The following CCT2 variants were observed in gnomAD, a reference collection of about 807,000 sequenced individuals.
CCT2 encodes the protein chaperonin containing TCP1 subunit 2, also known as T-complex protein 1 subunit beta.
In CCT2, 18 loss-of-function variants were observed where a neutral mutation model predicts 61.8. That is an observed-to-expected ratio of 0.29 (90% CI 0.20 to 0.43). The LOEUF (loss-of-function observed/expected upper bound fraction) is 0.43. Among genes scored for constraint, CCT2 ranks in the 20% least tolerant of loss-of-function variants. The probability of loss-of-function intolerance (pLI) is 1.00; values close to 1 mark genes in which losing one functional copy is unlikely to be tolerated. For synonymous variants in CCT2, 248 were observed against 215.9 expected, an observed-to-expected ratio of 1.15 and a Z score of -1.30; for missense variants, 556 against 656.9, an observed-to-expected ratio of 0.85 and a Z score of 1.68.
chr12:69,591,018 C>T (rs558808392), intron 7 of CCT2, among the ~76,000 whole-genome samples: 7 of 152,150 alleles, frequency 4.6e-5, no homozygotes, highest in South Asian at 2.1e-4. Context: ...CATGCCTGGC[C>T]GCTGCGTAGC....
intron 7 of CCT2, among the ~76,000 whole-genome samples, chr12:69,591,735 T>C (rs1464080660): frequency 2.6e-5 from 4 of 152,236 alleles, no homozygotes. Flanking sequence ...ACCAGAAGTG[T>C]CCAAGGAAGA....
chr12:69,598,714 CAT>C (rs1386048583), intron 14 of CCT2, among the ~76,000 whole-genome samples: 18 of 152,296 alleles, frequency 1.2e-4, no homozygotes, highest in South Asian at 2.1e-4. Context: ...TGAAAAATAA[CAT>C]AAACTATTAT....
chr12:69,595,152 G>A (rs534738291), intron 10 of CCT2, among the ~76,000 whole-genome samples: 2 of 152,222 alleles, frequency 1.3e-5, no homozygotes, highest in African/African-American at 4.8e-5. Flanking sequence ...AAATTATAGT[G>A]TACTAACCTT....
chr12:69,600,119 T>A, intron 15 of CCT2, 115 bp downstream of exon 15: 1 of 971,806 alleles, frequency 1.0e-6, no homozygotes, highest in Non-Finnish European at 1.5e-6. Flanking sequence ...TGGATAAAAG[T>A]ATGTAAGTTA....
At chr12:69,585,600 T>C in intron 1 of CCT2, 76 bp downstream of exon 1, 2 of 1,550,652 alleles carry the variant, frequency 1.3e-6, no homozygotes, top group East Asian at 2.4e-5. Context: ...TCCTCTGTCC[T>C]GCTAGGGTCG....
chr12:69,601,544 G>A lies in CCT2; in HGVS notation c.*219G>A. ...TAAAAAAGTTCATTTCTCATACTGT[G>A]CATTAAAATAAAAATTTGAACAATT... On this transcript the variant is annotated 3_prime_UTR_variant, in exon 16 of 16. Transcript: ENST00000299300. 1 of 1,345,992 alleles carries A rather than the reference G, an allele frequency of 7.4e-7. No homozygotes were observed. Among genetic ancestry groups the A allele is most frequent in the Non-Finnish European group, 9.6e-7 (1 of 1,038,760 alleles). The allele number at this position is 1,345,992 out of a possible 1,614,324, so 83.4% of individuals were successfully genotyped here.
intron 2 of CCT2, among the ~76,000 whole-genome samples, 180 bp from the exon 3 acceptor site, chr12:69,586,573 C>T (rs575693462): frequency 6.6e-6 from 1 of 151,946 alleles, no homozygotes. Context: ...GAGGCTGAGG[C>T]AGGAGGATCG....
chr12:69,588,221 G>A lies in CCT2; in HGVS notation c.405G>A (p.Lys135=). 17 of 1,614,148 alleles carry A rather than the reference G, an allele frequency of 1.1e-5. No individual in the cohort carries two copies. The highest frequency in any genetic ancestry group is 1.4e-5 in the Non-Finnish European group (17 of 1,179,990). ...TIIAGWREAT[K]AAREALLSSA... ...TAGCGGGTTGGAGAGAAGCCACGAA[G>A]GCTGCAAGAGAGGCGCTGTTGAGTT... Residue 135 remains lysine (K), a synonymous_variant, in exon 6 of 16, where the codon AAG becomes AAA. Transcript: ENST00000299300.
intron 10 of CCT2, among the ~76,000 whole-genome samples, chr12:69,595,940 C>T (rs905112247): frequency 6.6e-6 from 1 of 152,148 alleles, no homozygotes; most frequent in South Asian, 2.1e-4. Context: ...GGCATGGTGG[C>T]ATGTGCCAGC....
intron 10 of CCT2, among the ~76,000 whole-genome samples, chr12:69,594,779 A>C (rs552734555): frequency 3.0e-4 from 45 of 152,068 alleles, no homozygotes; most frequent in Non-Finnish European, 5.1e-4. Context: ...CCAGGAGTCC[A>C]AGGCTACAGT....
Position 69,597,369 on chromosome 12 carries a change from T to G in CCT2, c.1102+94T>G, listed in dbSNP as rs74336375. 479 of 1,431,610 alleles carry G rather than the reference T, an allele frequency of 3.3e-4. 1 individual carries two copies. In the African/African-American group the frequency reaches 5.0e-3, roughly 15 times the overall value. 88.7% of individuals were successfully genotyped at this position (1,431,610 alleles called of 1,614,324 possible). On this transcript the variant is annotated intron_variant, in intron 11 of 15. Coordinates refer to ENST00000299300, the MANE Select transcript of CCT2 (RefSeq NM_006431.3). ...TTGTAGTTACTAGAATAGCATATCT[T>G]ACAAGTCTTAACTCTTCAGAAGCAT...
At chr12:69,601,187 T>TA (rs1410731408) in intron 15 of CCT2, 108 bp from the exon 16 acceptor site, 4 of 888,038 alleles carry the variant, frequency 4.5e-6, no homozygotes, top group Non-Finnish European at 7.0e-6. Flanking sequence ...ATTGCAGAGT[T>TA]ATAACAGTTT....
chr12:69,590,363 T>G (rs945107330), intron 7 of CCT2, among the ~76,000 whole-genome samples: 4 of 152,200 alleles, frequency 2.6e-5, no homozygotes, highest in Admixed American at 1.3e-4. Context: ...TAAAAAAAAT[T>G]TCTTTAACAA....
intron 11 of CCT2, 29 bp downstream of exon 11, chr12:69,597,304 G>C: frequency 1.2e-6 from 2 of 1,611,288 alleles, no homozygotes; most frequent in Non-Finnish European, 1.7e-6. Context: ...CCTGGTTAGG[G>C]TGTCTAAATT....
chr12:69,597,934 C>T, intron 12 of CCT2, 34 bp from the exon 13 acceptor site: 2 of 1,537,502 alleles, frequency 1.3e-6, no homozygotes, highest in Non-Finnish European at 9.0e-7. Flanking sequence ...GACAACTAAG[C>T]ATTGCAATAT....
chr12:69,585,830 T>G, intron 1 of CCT2: 1 of 1,328,552 alleles, frequency 7.5e-7, no homozygotes, highest in Non-Finnish European at 9.6e-7. Context: ...CGCTCCGCCC[T>G]CCTTCTAGGG....
At position 69,600,139 on chromosome 12, in the gene CCT2, T is replaced by G. The variant is rs985434841; in HGVS notation, c.1577+135T>G. ...AAAAGTATGTAAGTTATTTAAAATATCACAACTCTTAACACTTAAGCCAGA... is the reference window on the plus strand; with the variant it reads ...AAAAGTATGTAAGTTATTTAAAATAGCACAACTCTTAACACTTAAGCCAGA... On this transcript the variant is annotated intron_variant, in intron 15 of 15. Coordinates refer to ENST00000299300, the MANE Select transcript of CCT2 (RefSeq NM_006431.3). 7 of 838,988 alleles carry G rather than the reference T, an allele frequency of 8.3e-6. No homozygotes were observed. In the African/African-American group the frequency reaches 8.6e-5, roughly 10 times the overall value. 52.0% of individuals were successfully genotyped at this position (838,988 alleles called of 1,614,324 possible). A position where few individuals can be genotyped will look rare whatever the true frequency, so the allele number is the denominator to read the frequency against.
Position 69,598,392 on chromosome 12 carries a change from A to C in CCT2, c.1406A>C (p.His469Pro). Reference protein sequence around the residue: ...ADLVAQLRAAHSEGNTTAGLD... With the variant: ...ADLVAQLRAAPSEGNTTAGLD... ...CTGGTGGCACAGCTCAGGGCTGCTC[A>C]CAGTGAAGGCAATACCACTGCTGGA... The change falls in exon 14 of 16, where the codon CAC (histidine) becomes CCC (proline). Residue 469 changes from histidine (H) to proline (P), a missense_variant. His to Pro is a moderately conservative substitution (Grantham distance 77). Transcript: ENST00000299300. 6.2e-7 allele frequency: 1 copy of C among 1,601,400 alleles called. No homozygotes were observed. The highest frequency in any genetic ancestry group is 8.5e-7 in the Non-Finnish European group (1 of 1,173,938).
rs775785202 is a variant in CCT2 at position 69,597,220 on chromosome 12, C to T, written c.1047C>T (p.Ile349=). 10 of 1,613,772 alleles carry T rather than the reference C, an allele frequency of 6.2e-6. No homozygotes were observed. The highest frequency in any genetic ancestry group is 4.5e-5 in the East Asian group (2 of 44,876). The part of the protein sequence containing the change: ...ELVKLGSCKL[I]EEVMIGEDKL... ...TGAAGCTTGGAAGTTGCAAACTTAT[C>T]GAGGAAGTCATGATTGGAGAAGACA... Residue 349 remains isoleucine (I), a synonymous_variant, in exon 11 of 16, where the codon ATC becomes ATT. Transcript: ENST00000299300.
Sources: allele counts gnomAD v4.1 joint callset (sites outside exome capture counted in the v4.1 genomes callset), GRCh38; gene constraint gnomAD v4.1.1; transcripts MANE v1.5; gene names NCBI Gene and HGNC (gene_info 2026-07-23, HGNC 2026-07-21).